The following ZFPM2 variants were observed in gnomAD, a reference collection of about 807,000 sequenced individuals.
The protein encoded by ZFPM2 is zinc finger protein, FOG family member 2.
ZFPM2 carries 20 observed loss-of-function variants against 98.6 expected under a neutral mutation model. The observed-to-expected ratio is 0.20, with a 90% CI of 0.14 to 0.29. The LOEUF (loss-of-function observed/expected upper bound fraction) is 0.29, where lower values mean the gene tolerates loss of function less well. Ranked by LOEUF, ZFPM2 falls within the 10% of genes least tolerant of loss-of-function variation. ZFPM2 has a pLI of 1.00. For missense variants in ZFPM2, 1,310 were observed against 1,388.6 expected, an observed-to-expected ratio of 0.94 and a Z score of 0.90; for synonymous variants, 518 against 502.7, an observed-to-expected ratio of 1.03 and a Z score of -0.41.
At chr8:105,359,621 G>A (rs1446071225) in intron 1 of ZFPM2, among the ~76,000 whole-genome samples, 2 of 151,890 alleles carry the variant, frequency 1.3e-5, no homozygotes, top group African/African-American at 4.8e-5. Context: ...TGATCCACCC[G>A]CCTCAGCCTC....
intron 5 of ZFPM2, among the ~76,000 whole-genome samples, chr8:105,783,806 G>A (rs767328110): frequency 7.9e-5 from 12 of 152,056 alleles, no homozygotes; most frequent in Non-Finnish European, 7.4e-5. Flanking sequence ...TCCATGGGTT[G>A]TTTCCATGTT....
Position 105,802,700 on chromosome 8 carries a change from A to G in ZFPM2, c.2618A>G (p.Lys873Arg), listed in dbSNP as rs779845351. The change falls in exon 8 of 8, where the codon AAG becomes AGG. Residue 873 changes from lysine (K) to arginine (R), a missense_variant. Physicochemically the swap from Lys to Arg is conservative, Grantham distance 26. Coordinates refer to ENST00000407775, the MANE Select transcript of ZFPM2 (RefSeq NM_012082.4). ...AAGGTAGAAAACTATCTGGCCCACA[A>G]GCAGAATTTCTGCCCGGTTACTGCA... ...FNKVENYLAH[K>R]QNFCPVTAHQ... 1.2e-6 allele frequency: 2 copies of G among 1,612,220 alleles called. No homozygotes were observed. The highest frequency in any genetic ancestry group is 1.7e-6 in the Non-Finnish European group (2 of 1,179,162).
chr8:105,714,273 C>T (rs1172246720), intron 5 of ZFPM2, among the ~76,000 whole-genome samples: 3 of 151,978 alleles, frequency 2.0e-5, no homozygotes, highest in Non-Finnish European at 4.4e-5. Flanking sequence ...GCTTGAACCT[C>T]ATTGGCTTAC....
chr8:105,748,988 C>G (rs1812413933), intron 5 of ZFPM2, among the ~76,000 whole-genome samples: 1 of 152,020 alleles, frequency 6.6e-6, no homozygotes, highest in Non-Finnish European at 1.5e-5. Context: ...AGTGCCATTG[C>G]TAGCTGCACT....
intron 5 of ZFPM2, among the ~76,000 whole-genome samples, chr8:105,718,713 T>G (rs1408332325): frequency 2.0e-5 from 3 of 151,944 alleles, no homozygotes; most frequent in Non-Finnish European, 4.4e-5. Context: ...GCCCTGATTC[T>G]GTCGTCAAAA....
At chr8:105,615,538 C>T (rs1025322867) in intron 4 of ZFPM2, among the ~76,000 whole-genome samples, 3 of 151,988 alleles carry the variant, frequency 2.0e-5, no homozygotes, top group Non-Finnish European at 4.4e-5. Flanking sequence ...AGTGGGGCAC[C>T]TTTTTGCCAT....
chr8:105,692,817 C>G (rs1318042013), intron 5 of ZFPM2, among the ~76,000 whole-genome samples: 1 of 152,178 alleles, frequency 6.6e-6, no homozygotes, highest in Non-Finnish European at 1.5e-5. Context: ...AAGAAGAGCA[C>G]TAGGAAGCTA....
chr8:105,369,978 A>C (rs1810587013), intron 1 of ZFPM2, among the ~76,000 whole-genome samples: 1 of 152,196 alleles, frequency 6.6e-6, no homozygotes, highest in African/African-American at 2.4e-5. Context: ...TGGGAATTAT[A>C]TCAGTGTTTG....
intron 5 of ZFPM2, among the ~76,000 whole-genome samples, chr8:105,732,663 T>C (rs564460087): frequency 6.6e-6 from 1 of 151,976 alleles, no homozygotes; most frequent in South Asian, 2.1e-4. Flanking sequence ...TAATGGTGCA[T>C]TGAAAATCTG....
At chr8:105,531,917 C>G (rs1264702576) in intron 3 of ZFPM2, among the ~76,000 whole-genome samples, 1 of 151,964 alleles carries the variant, frequency 6.6e-6, no homozygotes, top group Non-Finnish European at 1.5e-5. Context: ...TTTTCTTTTT[C>G]TGAGACAGGG....
At chr8:105,546,583 A>ACAC (rs1554615909) in intron 3 of ZFPM2, among the ~76,000 whole-genome samples, 2 of 149,740 alleles carry the variant, frequency 1.3e-5, no homozygotes, top group Admixed American at 1.3e-4. Flanking sequence ...AAAAAAAAAA[A>ACAC]ACAAACCCAA....
chr8:105,475,586 C>A (rs192408574), intron 3 of ZFPM2, among the ~76,000 whole-genome samples: 63 of 152,278 alleles, frequency 4.1e-4, no homozygotes, highest in African/African-American at 1.4e-3. Flanking sequence ...GCGGAGGAAG[C>A]AACTGGCCTG....
chr8:105,547,704 C>A (rs1814744530), intron 3 of ZFPM2, among the ~76,000 whole-genome samples: 1 of 152,006 alleles, frequency 6.6e-6, no homozygotes, highest in South Asian at 2.1e-4. Flanking sequence ...TTATACCTAT[C>A]TTCTTTAGAA....
At chr8:105,401,688 A>G (rs1474981391) in intron 1 of ZFPM2, among the ~76,000 whole-genome samples, 2 of 152,132 alleles carry the variant, frequency 1.3e-5, no homozygotes, top group African/African-American at 2.4e-5. Flanking sequence ...AGGGGAAGCT[A>G]GTATTTGAAC....
intron 3 of ZFPM2, among the ~76,000 whole-genome samples, chr8:105,490,981 A>G (rs1813345511): frequency 6.6e-6 from 1 of 152,192 alleles, no homozygotes; most frequent in South Asian, 2.1e-4. Flanking sequence ...TTTATATCAA[A>G]GATATAAATC....
intron 5 of ZFPM2, among the ~76,000 whole-genome samples, chr8:105,662,158 C>T (rs1387226546): frequency 6.6e-6 from 1 of 151,936 alleles, no homozygotes; most frequent in Non-Finnish European, 1.5e-5. Context: ...CTCAGGAATG[C>T]GGAGGAACTG....
rs189590749 is a variant in ZFPM2, at chr8:105,323,616, A to T, written c.40+4635A>T. On this transcript the variant is annotated intron_variant, in intron 1 of 7. Transcript: ENST00000407775. ...AATTTGAAATAATATCAATGCATAG[A>T]TTTTTTCTGGAAAAATCTAGGAATA... Among the ~76,000 whole-genome samples, 19 of 151,992 alleles carry T rather than the reference A, an allele frequency of 1.3e-4. No homozygotes were observed. The East Asian group carries it at 3.5e-3, about 28-fold the overall frequency.
Position 105,536,834 on chromosome 8 carries a change from A to G in ZFPM2, c.302-24529A>G, listed in dbSNP as rs1248713633. Among the ~76,000 whole-genome samples the G allele has an allele frequency of 3.9e-5, 6 of 152,286 alleles. No homozygotes were observed. The East Asian group carries it at 5.8e-4, about 15-fold the overall frequency. ...AGAGTTCTGGAATGCATCCAATAAA[A>G]TGGGCATTTCACAGTGGTCAAATCA... is the stretch of plus-strand genomic sequence containing the variant. On this transcript the variant is annotated intron_variant, in intron 3 of 7. Transcript: ENST00000407775.
At chr8:105,566,941 AG>A (rs1249411401) in intron 4 of ZFPM2, among the ~76,000 whole-genome samples, 5 of 152,176 alleles carry the variant, frequency 3.3e-5, no homozygotes, top group Non-Finnish European at 7.4e-5. Context: ...ATACATATAA[AG>A]GGCACTATAG....
Sources: allele counts gnomAD v4.1 joint callset (sites outside exome capture counted in the v4.1 genomes callset), GRCh38; gene constraint gnomAD v4.1.1; transcripts MANE v1.5; gene names NCBI Gene and HGNC (gene_info 2026-07-23, HGNC 2026-07-21).